TAF3: variants seen among roughly 807,000 people sequenced by gnomAD.
The protein encoded by TAF3 is transcription initiation factor TFIID subunit 3.
Under a neutral mutation model 80.6 loss-of-function variants are expected in TAF3, and 7 were observed. That is an observed-to-expected ratio of 0.09 (90% CI 0.05 to 0.16). The LOEUF (loss-of-function observed/expected upper bound fraction) is 0.16, where lower values mean the gene tolerates loss of function less well. Ranked by LOEUF, TAF3 falls within the 10% of genes least tolerant of loss-of-function variation. The pLI is 1.00. For missense variants in TAF3, 921 were observed against 1,140.2 expected (o/e 0.81, Z 2.77); for synonymous variants, 444 against 446.1 (o/e 1.00, Z 0.06).
chr10:7,929,746 A>C (rs1588555686), intron 2 of TAF3, among the ~76,000 whole-genome samples: 1 of 152,352 alleles, frequency 6.6e-6, no homozygotes, highest in East Asian at 1.9e-4. Flanking sequence ...ACCAATAAAT[A>C]AGAATATGGA....
intron 2 of TAF3, among the ~76,000 whole-genome samples, chr10:7,957,033 AAC>A (rs1183041779): frequency 1.3e-5 from 2 of 152,176 alleles, no homozygotes; most frequent in African/African-American, 4.8e-5. Flanking sequence ...AATCAATTAT[AAC>A]ACATAATTTT....
chr10:7,948,114 A>G (rs891665090), intron 2 of TAF3, among the ~76,000 whole-genome samples: 11 of 151,566 alleles, frequency 7.3e-5, no homozygotes, highest in African/African-American at 9.7e-5. Flanking sequence ...CCCGGCTGGA[A>G]CGCAGTGGTA....
chr10:7,824,633 T>A, intron 2 of TAF3, 73 bp downstream of exon 2: 1 of 1,497,562 alleles, frequency 6.7e-7, no homozygotes, highest in South Asian at 1.3e-5. Flanking sequence ...CTTTCCATGC[T>A]ATGTCAACTT....
At chr10:7,830,473 C>CTTTTT (rs1176707860) in intron 2 of TAF3, among the ~76,000 whole-genome samples, 643 of 57,732 alleles carry the variant, frequency 0.011, 158 homozygotes, top group South Asian at 0.014. Flanking sequence ...CTTTACATGT[C>CTTTTT]TTTTTTTTTT....
At chr10:7,955,462 T>A (rs1387746537) in intron 2 of TAF3, among the ~76,000 whole-genome samples, 1 of 152,254 alleles carries the variant, frequency 6.6e-6, no homozygotes, top group Admixed American at 6.5e-5. Flanking sequence ...CATTTTGTTG[T>A]TCCTTTGCTT....
rs768354042 is a variant in TAF3, at chr10:7,965,278, T to C, written c.1768T>C (p.Phe590Leu). Residue 590 changes from phenylalanine (F) to leucine (L), a missense_variant, in exon 3 of 7, where the codon TTT becomes CTT. Coordinates refer to ENST00000344293, the MANE Select transcript of TAF3 (RefSeq NM_031923.4). ...AGAGGAAGAGGCAGATCCCTACAAG[T>C]TTAAAATCAAAGAATTTGAAGATGT... ...LKEEEADPYK[F>L]KIKEFEDVDP... The C allele has an allele frequency of 6.2e-7, 1 of 1,607,816 alleles. No individual in the cohort carries two copies. The highest frequency in any genetic ancestry group is 2.2e-5 in the East Asian group (1 of 44,844).
chr10:7,857,910 A>ATTT (rs140922817), intron 2 of TAF3, among the ~76,000 whole-genome samples: 24,951 of 138,416 alleles, frequency 0.18, 2,682 homozygotes, highest in East Asian at 0.39. Flanking sequence ...AACATTTCTG[A>ATTT]TTTTTTTTTT....
intron 2 of TAF3, among the ~76,000 whole-genome samples, chr10:7,920,299 C>CGT (rs60287426): frequency 0.064 from 6,519 of 101,276 alleles, 115 homozygotes; most frequent in East Asian, 0.088. Flanking sequence ...TTTAAACATA[C>CGT]GTGTGTGTGT....
At position 7,836,050 on chromosome 10, in the gene TAF3, C is replaced by T. The variant is rs117017793; in HGVS notation, c.409+11490C>T. On this transcript the variant is annotated intron_variant, in intron 2 of 6. Transcript: ENST00000344293. ...ACTCTCCTTATATGATGAGCTCCATCTTGGGGCCTTTCTTGGGCACGTCTT... is the reference window on the plus strand; with the variant it reads ...ACTCTCCTTATATGATGAGCTCCATTTTGGGGCCTTTCTTGGGCACGTCTT... 2.6e-3 allele frequency among the ~76,000 whole-genome samples: 390 copies of T among 152,274 alleles called. 2 individuals are homozygous for T. The highest frequency in any genetic ancestry group is 3.7e-3 in the Non-Finnish European group (253 of 68,020).
intron 4 of TAF3, among the ~76,000 whole-genome samples, chr10:7,978,040 A>G (rs1007984405): frequency 4.6e-5 from 7 of 151,514 alleles, no homozygotes; most frequent in Non-Finnish European, 8.8e-5. Flanking sequence ...TTTTTTTTGG[A>G]ACTCATGTTG....
At chr10:8,012,144 C>G (rs1445856452) in intron 5 of TAF3, among the ~76,000 whole-genome samples, 2 of 152,144 alleles carry the variant, frequency 1.3e-5, no homozygotes, top group Non-Finnish European at 2.9e-5. Flanking sequence ...CACCACTGCA[C>G]TCCAGCCTGG....
At chr10:7,913,868 G>A (rs1459724384) in intron 2 of TAF3, among the ~76,000 whole-genome samples, 1 of 152,194 alleles carries the variant, frequency 6.6e-6, no homozygotes, top group Non-Finnish European at 1.5e-5. Context: ...AGGAAACACA[G>A]CAGATAGAGA....
intron 2 of TAF3, 26 bp downstream of exon 2, chr10:7,824,586 G>C (rs1284187617): frequency 1.2e-6 from 2 of 1,606,916 alleles, no homozygotes; most frequent in African/African-American, 2.7e-5. Context: ...TTCTTCATAT[G>C]TTAGTGATTA....
At chr10:7,983,824 G>T (rs1831751060) in intron 4 of TAF3, among the ~76,000 whole-genome samples, 1 of 151,560 alleles carries the variant, frequency 6.6e-6, no homozygotes, top group Admixed American at 6.6e-5. Context: ...GGGGGACAGA[G>T]TGAGACCCTG....
At chr10:7,840,157 G>GT (rs151164265) in intron 2 of TAF3, among the ~76,000 whole-genome samples, 27,739 of 144,604 alleles carry the variant, frequency 0.19, 2,694 homozygotes, top group South Asian at 0.28. Context: ...GAAAATGAGT[G>GT]TTTTTTTTTT....
chr10:7,945,986 G>A (rs1165675132), intron 2 of TAF3, among the ~76,000 whole-genome samples: 1 of 152,154 alleles, frequency 6.6e-6, no homozygotes, highest in Non-Finnish European at 1.5e-5. Flanking sequence ...TTGAATGAAT[G>A]GATGGATGAG....
chr10:7,996,537 A>G (rs1032367482), intron 4 of TAF3, among the ~76,000 whole-genome samples: 1 of 152,102 alleles, frequency 6.6e-6, no homozygotes, highest in Non-Finnish European at 1.5e-5. Context: ...GAAAGCAAAA[A>G]TATGGAGATT....
chr10:7,883,243 A>G (rs1837378158), intron 2 of TAF3, among the ~76,000 whole-genome samples: 1 of 152,204 alleles, frequency 6.6e-6, no homozygotes. Flanking sequence ...ACAGTTCCTC[A>G]GCCTGTCTTT....
rs139798240 is a variant in TAF3, at chr10:8,009,987, C to G, written c.2568+657C>G. Among the ~76,000 whole-genome samples, 2,314 of 152,158 alleles carry G rather than the reference C, an allele frequency of 0.015. 60 individuals are homozygous for G. Among genetic ancestry groups the G allele is most frequent in the African/African-American group, 0.053 (2,185 of 41,506 alleles). ...AGTGCAGTGGTACGATCTCGGCTCACTGCAGCCCCTGCCTCCCAGGCTCAA... is the reference window on the plus strand; with the variant it reads ...AGTGCAGTGGTACGATCTCGGCTCAGTGCAGCCCCTGCCTCCCAGGCTCAA... On this transcript the variant is annotated intron_variant, in intron 5 of 6. Transcript: ENST00000344293. This position sits in a 1 kb window ranked among gnomAD's most constrained non-coding sequence, Gnocchi z 4.1.
Sources: gnomAD v4.1 joint callset for allele counts (sites outside exome capture counted in the v4.1 genomes callset) on GRCh38, gnomAD v4.1.1 for gene constraint, Gnocchi (gnomAD v3.1) non-coding constraint, MANE v1.5 for transcripts, NCBI Gene and HGNC (gene_info 2026-07-23, HGNC 2026-07-21) for gene names.